The following DIPK1A variants were observed in gnomAD, a reference collection of about 807,000 sequenced individuals.
DIPK1A encodes family with sequence similarity 69 member A.
DIPK1A carries 27 observed loss-of-function variants against 40.8 expected under a neutral mutation model. The ratio of observed to expected loss-of-function variants is 0.66; its 90% CI spans 0.49 to 0.91. The LOEUF (loss-of-function observed/expected upper bound fraction) is 0.91, where lower values mean the gene tolerates loss of function less well. DIPK1A is among the 40% of genes least tolerant of loss of function. The probability of loss-of-function intolerance (pLI) is 0.00; values close to 1 mark genes in which losing one functional copy is unlikely to be tolerated. For synonymous variants in DIPK1A, 166 were observed against 171.3 expected (o/e 0.97, Z 0.24); for missense variants, 412 against 505.7 (o/e 0.81, Z 1.78).
intron 4 of DIPK1A, chr1:92,834,976 A>G: frequency 6.3e-7 from 1 of 1,596,374 alleles, no homozygotes. Flanking sequence ...GTTTTCTGCA[A>G]GATGTTTGTA....
intron 1 of DIPK1A, among the ~76,000 whole-genome samples, chr1:92,941,259 T>G (rs939053553): frequency 1.6e-4 from 24 of 152,246 alleles, no homozygotes; most frequent in Non-Finnish European, 1.8e-4. Context: ...TTTGTTTTTA[T>G]AACTTTAAGT....
chr1:92,915,459 T>C (rs1482942432), intron 1 of DIPK1A, among the ~76,000 whole-genome samples: 1 of 152,156 alleles, frequency 6.6e-6, no homozygotes, highest in African/African-American at 2.4e-5. Context: ...AAAGGCAAGA[T>C]GCAGTGTAGT....
At chr1:92,949,649 T>C (rs1651548692) in intron 1 of DIPK1A, among the ~76,000 whole-genome samples, 1 of 152,136 alleles carries the variant, frequency 6.6e-6, no homozygotes, top group Non-Finnish European at 1.5e-5. Flanking sequence ...TTTAGAGATA[T>C]AGCTATAGAA....
chr1:92,906,087 G>C, intron 1 of DIPK1A, among the ~76,000 whole-genome samples: 1 of 152,036 alleles, frequency 6.6e-6, no homozygotes, highest in East Asian at 1.9e-4. Flanking sequence ...TTTTGCTCAG[G>C]ATGACTTTGG....
At chr1:92,911,685 A>T (rs1649830024) in intron 1 of DIPK1A, among the ~76,000 whole-genome samples, 1 of 152,190 alleles carries the variant, frequency 6.6e-6, no homozygotes, top group Admixed American at 6.6e-5. Context: ...GCTCAGGAGT[A>T]TAATTGCTGG....
chr1:92,922,320 A>T, intron 1 of DIPK1A, among the ~76,000 whole-genome samples: 1 of 140,592 alleles, frequency 7.1e-6, no homozygotes, highest in African/African-American at 2.7e-5. Flanking sequence ...TTTTTTGGAG[A>T]AATTTTTCTT....
At chr1:92,860,552 G>A (rs903966158) in intron 2 of DIPK1A, among the ~76,000 whole-genome samples, 1 of 151,340 alleles carries the variant, frequency 6.6e-6, no homozygotes, top group African/African-American at 2.4e-5. Flanking sequence ...TACTTTGGGA[G>A]GCCAAGGCAG....
chr1:92,852,488 G>A (rs376243290), intron 2 of DIPK1A, among the ~76,000 whole-genome samples: 9 of 151,346 alleles, frequency 5.9e-5, no homozygotes, highest in African/African-American at 1.9e-4. Context: ...CAAGAAGAGC[G>A]AATCTCCGTC....
Position 92,921,742 on chromosome 1 carries a change from A to G in DIPK1A, c.54+39634T>C, listed in dbSNP as rs1462188705. The stretch of plus-strand genomic sequence containing the variant: ...TGCCTCTATTTTCAAGTACCAAACC[A>G]GGGTAGTCAGTAAGATAGTGAAAGC... On this transcript the variant is annotated intron_variant, in intron 1 of 4. Coordinates refer to ENST00000370310, the MANE Select transcript of DIPK1A (RefSeq NM_001006605.5). 2.0e-5 allele frequency among the ~76,000 whole-genome samples: 3 copies of G among 152,182 alleles called. No individual in the cohort carries two copies. In the East Asian group the frequency reaches 5.8e-4, roughly 29 times the overall value.
At chr1:92,840,944 CT>C, downstream of DIPK1A, 1 of 478,904 alleles carries the variant, frequency 2.1e-6, no homozygotes. Context: ...GAAAGTAATA[CT>C]TAATGAACAT....
At chr1:92,944,891 G>A (rs1376054302) in intron 1 of DIPK1A, among the ~76,000 whole-genome samples, 5 of 152,062 alleles carry the variant, frequency 3.3e-5, no homozygotes, top group Admixed American at 3.3e-4. Context: ...CCTGCTTTGC[G>A]CTCCTAAAGT....
chr1:92,926,556 T>C (rs1650518256), intron 1 of DIPK1A, among the ~76,000 whole-genome samples: 1 of 152,212 alleles, frequency 6.6e-6, no homozygotes, highest in African/African-American at 2.4e-5. Context: ...AGATCTTCTA[T>C]ATCTGTACAG....
chr1:92,961,054 C>G (rs994971274), intron 1 of DIPK1A, among the ~76,000 whole-genome samples: 11 of 152,142 alleles, frequency 7.2e-5, no homozygotes, highest in African/African-American at 2.7e-4. Context: ...GGGCTGCGGG[C>G]AATGCCCGGA....
chr1:92,945,936 A>G (rs928268882), intron 1 of DIPK1A, among the ~76,000 whole-genome samples: 1 of 152,228 alleles, frequency 6.6e-6, no homozygotes, highest in African/African-American at 2.4e-5. Context: ...TTCATTAGGG[A>G]TCCCAAAGGC....
intron 1 of DIPK1A, among the ~76,000 whole-genome samples, chr1:92,881,603 G>T (rs1026674353): frequency 2.6e-5 from 4 of 152,180 alleles, no homozygotes; most frequent in Non-Finnish European, 5.9e-5. Flanking sequence ...ATTGCATGGG[G>T]TGACTCTCAA....
intron 2 of DIPK1A, among the ~76,000 whole-genome samples, chr1:92,865,505 A>G (rs1335045253): frequency 6.6e-6 from 1 of 152,214 alleles, no homozygotes; most frequent in Non-Finnish European, 1.5e-5. Flanking sequence ...ATTTTTAGAC[A>G]GTTCTCATTG....
At chr1:92,917,902 G>A (rs1650116940) in intron 1 of DIPK1A, among the ~76,000 whole-genome samples, 1 of 152,102 alleles carries the variant, frequency 6.6e-6, no homozygotes, top group Non-Finnish European at 1.5e-5. Context: ...TAGTTTGGCA[G>A]AAATCCAGAG....
chr1:92,837,040 G>C lies in DIPK1A; in HGVS notation c.475-4006C>G, dbSNP rs75670163. On this transcript the variant is annotated intron_variant, in intron 4 of 4. Transcript: ENST00000615519. ...TTGCTTTTATGATGTGGAGGTGGGT[G>C]GGGGGAGTTAGTTGCAAGTACACCA... The C allele has an allele frequency of 1.8e-3, 532 of 289,144 alleles. 6 individuals are homozygous for C. The East Asian group carries it at 0.023, about 13-fold the overall frequency. 17.9% of individuals were successfully genotyped at this position (289,144 alleles called of 1,614,324 possible).
chr1:92,837,673 A>G, downstream of DIPK1A: 1 of 1,554,988 alleles, frequency 6.4e-7, no homozygotes, highest in Non-Finnish European at 8.8e-7. Flanking sequence ...TGGTTAATTT[A>G]TGGAAATAGG....
Sources: allele counts gnomAD v4.1 joint callset (sites outside exome capture counted in the v4.1 genomes callset), GRCh38; gene constraint gnomAD v4.1.1; transcripts MANE v1.5; gene names NCBI Gene and HGNC (gene_info 2026-07-23, HGNC 2026-07-21).